The following WWC2 variants were observed in gnomAD, a reference collection of about 807,000 sequenced individuals.
WWC2 encodes WW and C2 domain containing 2.
A neutral mutation model predicts 138.5 loss-of-function variants in WWC2; 101 were observed. The ratio of observed to expected loss-of-function variants is 0.73; its 90% CI spans 0.62 to 0.86. The LOEUF is 0.86. Ranked by LOEUF, WWC2 falls within the 40% of genes least tolerant of loss-of-function variation. The pLI is 0.00. For missense variants in WWC2, 1,420 were observed against 1,419.4 expected (o/e 1.00, Z -0.01); for synonymous variants, 558 against 538.4 (o/e 1.04, Z -0.50).
chr4:183,156,532 A>G (rs1200076489), intron 1 of WWC2, among the ~76,000 whole-genome samples: 1 of 152,156 alleles, frequency 6.6e-6, no homozygotes, highest in Non-Finnish European at 1.5e-5. Context: ...GGGTTTCACC[A>G]TGTTGGCCAG....
Position 183,139,542 on chromosome 4 carries a change from T to C in WWC2, c.131+39920T>C, listed in dbSNP as rs535782377. Among the ~76,000 whole-genome samples the C allele has an allele frequency of 3.3e-5, 5 of 152,176 alleles. No homozygotes were observed. In the South Asian group the frequency reaches 8.3e-4, roughly 25 times the overall value. ...TACAGTCATTGTGTACTTCTTTTTT[T>C]CCTCTTGCCATTTGCCAAGGTCCAT... is the stretch of plus-strand genomic sequence containing the variant. On this transcript the variant is annotated intron_variant, in intron 1 of 22. Coordinates refer to ENST00000403733, the MANE Select transcript of WWC2 (RefSeq NM_024949.6).
At chr4:183,108,517 A>T (rs1190785653) in intron 1 of WWC2, among the ~76,000 whole-genome samples, 1 of 152,208 alleles carries the variant, frequency 6.6e-6, no homozygotes, top group Admixed American at 6.5e-5. Context: ...ACCAAGACTA[A>T]ATGTAATGTG....
intron 1 of WWC2, among the ~76,000 whole-genome samples, chr4:183,109,080 G>A (rs1377521012): frequency 1.3e-5 from 2 of 152,056 alleles, no homozygotes; most frequent in South Asian, 4.2e-4. Context: ...CACACAAAAC[G>A]AAGTGATTTT....
chr4:183,154,486 G>A (rs1579993428), intron 1 of WWC2, among the ~76,000 whole-genome samples: 1 of 152,128 alleles, frequency 6.6e-6, no homozygotes, highest in East Asian at 1.9e-4. Context: ...TGAATGAGGA[G>A]GAAAAGGTCA....
chr4:183,204,958 G>A (rs116572147), intron 2 of WWC2, among the ~76,000 whole-genome samples: 143 of 152,274 alleles, frequency 9.4e-4, no homozygotes, highest in African/African-American at 3.1e-3. Context: ...TTATTGCTGA[G>A]TAGTATTTTA....
intron 1 of WWC2, among the ~76,000 whole-genome samples, chr4:183,174,676 T>C (rs1195411597): frequency 6.6e-6 from 1 of 152,152 alleles, no homozygotes; most frequent in Non-Finnish European, 1.5e-5. Flanking sequence ...TTTTCAAACA[T>C]AAGAAAAAAT....
intron 1 of WWC2, among the ~76,000 whole-genome samples, chr4:183,114,098 G>A (rs1169680395): frequency 6.6e-6 from 1 of 152,144 alleles, no homozygotes; most frequent in African/African-American, 2.4e-5. Context: ...GTAATTCCTA[G>A]TTGGAGGTAG....
rs150109810 is a variant in WWC2 at position 183,253,929 on chromosome 4, G to A, written c.1126G>A (p.Ala376Thr). The A allele has an allele frequency of 1.2e-6, 2 of 1,613,900 alleles. No individual in the cohort carries two copies. The highest frequency in any genetic ancestry group is 1.7e-6 in the Non-Finnish European group (2 of 1,179,862). ...RTQDELERLEAERQRLEEELL... is the reference protein window; with the variant it reads ...RTQDELERLETERQRLEEELL... Reference sequence around the variant, plus strand: ...CCAAGATGAATTAGAACGCCTAGAAGCTGAAAGGCAGCGGCTGGAAGAAGA... The same window carrying A: ...CCAAGATGAATTAGAACGCCTAGAAACTGAAAGGCAGCGGCTGGAAGAAGA... The change falls in exon 9 of 23, where the codon GCT becomes ACT. Residue 376 changes from alanine to threonine, a missense_variant. Physicochemically the swap from Ala to Thr is moderately conservative, Grantham distance 58 (BLOSUM62 0). Coordinates refer to ENST00000403733, the MANE Select transcript of WWC2 (RefSeq NM_024949.6).
intron 1 of WWC2, among the ~76,000 whole-genome samples, chr4:183,193,396 C>T (rs1324669900): frequency 6.6e-6 from 1 of 152,082 alleles, no homozygotes. Context: ...AGATTTATCT[C>T]CAAATATTAA....
At chr4:183,238,013 T>A (rs1560859465) in intron 4 of WWC2, among the ~76,000 whole-genome samples, 1 of 152,188 alleles carries the variant, frequency 6.6e-6, no homozygotes, top group Non-Finnish European at 1.5e-5. Flanking sequence ...TAATCTTGTT[T>A]ATTCTCGTGC....
chr4:183,232,811 C>G (rs1736291303), intron 4 of WWC2, among the ~76,000 whole-genome samples: 1 of 152,044 alleles, frequency 6.6e-6, no homozygotes, highest in Admixed American at 6.5e-5. Context: ...CCACACCCAG[C>G]TAATTTTTGT....
intron 2 of WWC2, among the ~76,000 whole-genome samples, chr4:183,198,647 A>G (rs1403818762): frequency 1.3e-5 from 2 of 151,948 alleles, no homozygotes; most frequent in Non-Finnish European, 2.9e-5. Flanking sequence ...GATGATTTTC[A>G]TAGAATATAG....
rs1025934935 is a variant in WWC2, at chr4:183,226,445, C to T, written c.523-13738C>T. Among the ~76,000 whole-genome samples the T allele has an allele frequency of 8.6e-5, 13 of 150,970 alleles. 1 individual carries two copies. In the East Asian group the frequency reaches 2.3e-3, roughly 27 times the overall value. On this transcript the variant is annotated intron_variant, in intron 4 of 22. Coordinates refer to ENST00000403733, the MANE Select transcript of WWC2 (RefSeq NM_024949.6). ...ATAGAATTAAGTGGTCATAAAAATA[C>T]ATATAAATTTTGTAGGCTGCAACTA...
chr4:183,182,004 TATG>T (rs1240524076), intron 1 of WWC2, among the ~76,000 whole-genome samples: 1 of 152,182 alleles, frequency 6.6e-6, no homozygotes, highest in Non-Finnish European at 1.5e-5. Context: ...GATACCAAAA[TATG>T]ATGTATATTT....
chr4:183,240,349 C>G, intron 5 of WWC2, 87 bp downstream of exon 5: 1 of 1,049,548 alleles, frequency 9.5e-7, no homozygotes, highest in African/African-American at 1.6e-5. Flanking sequence ...ATTACATAAG[C>G]GATTTCTTAA....
chr4:183,176,507 C>T (rs1734472123), intron 1 of WWC2, among the ~76,000 whole-genome samples: 1 of 152,108 alleles, frequency 6.6e-6, no homozygotes, highest in Non-Finnish European at 1.5e-5. Flanking sequence ...ACTGCAACCG[C>T]CACCTCCCAG....
intron 21 of WWC2, among the ~76,000 whole-genome samples, chr4:183,302,466 G>A (rs1419130358): frequency 2.0e-5 from 3 of 152,136 alleles, no homozygotes; most frequent in Admixed American, 6.5e-5. Context: ...TTAGATTGCA[G>A]GCACAGGCTA....
At chr4:183,122,296 C>T (rs935928891) in intron 1 of WWC2, among the ~76,000 whole-genome samples, 1 of 152,098 alleles carries the variant, frequency 6.6e-6, no homozygotes, top group Non-Finnish European at 1.5e-5. Context: ...ATCCCTATGC[C>T]TTCCCACACA....
chr4:183,179,744 C>T (rs1380146770), intron 1 of WWC2, among the ~76,000 whole-genome samples: 1 of 151,870 alleles, frequency 6.6e-6, no homozygotes, highest in Non-Finnish European at 1.5e-5. Flanking sequence ...CATTAGATAC[C>T]CTGCTATGGA....
Sources: allele counts gnomAD v4.1 joint callset (sites outside exome capture counted in the v4.1 genomes callset), GRCh38; gene constraint gnomAD v4.1.1; transcripts MANE v1.5; gene names NCBI Gene and HGNC (gene_info 2026-07-23, HGNC 2026-07-21).